HS6ST2: variants seen among roughly 807,000 people sequenced by gnomAD.
HS6ST2 encodes the protein heparan-sulfate 6-O-sulfotransferase 2.
HS6ST2 carries 17 observed loss-of-function variants against 33.0 expected under a neutral mutation model. That is an observed-to-expected ratio of 0.52 (90% confidence interval 0.35 to 0.77). The LOEUF is 0.77. HS6ST2 is among the 30% of genes least tolerant of loss of function. The pLI, the probability that HS6ST2 is intolerant of heterozygous loss-of-function variation, is 0.01. For missense variants in HS6ST2, 519 were observed against 551.7 expected (o/e 0.94, Z 0.59); for synonymous variants, 248 against 237.1 (o/e 1.05, Z -0.42).
intron 2 of HS6ST2, among the ~76,000 whole-genome samples, chrX:132,844,446 G>C (rs1438119813): frequency 3.6e-5 from 4 of 111,392 alleles, no homozygotes; most frequent in Non-Finnish European, 7.5e-5. Flanking sequence ...TCAAGATCTG[G>C]AACTAAATTT....
At chrX:132,683,738 G>A (rs750008910) in intron 3 of HS6ST2, among the ~76,000 whole-genome samples, 4 of 111,559 alleles carry the variant, frequency 3.6e-5, no homozygotes, top group African/African-American at 1.3e-4. Context: ...AATAGGGGCT[G>A]TAACTAACAG....
intron 2 of HS6ST2, among the ~76,000 whole-genome samples, chrX:132,799,771 C>T (rs931826874): frequency 1.8e-5 from 2 of 111,356 alleles, no homozygotes; most frequent in African/African-American, 6.5e-5. Flanking sequence ...CTGAGCTCCA[C>T]TTTCTTCATC....
chrX:132,943,077 C>T (rs1041964039), intron 2 of HS6ST2, among the ~76,000 whole-genome samples: 8 of 111,332 alleles, frequency 7.2e-5, no homozygotes, highest in Non-Finnish European at 1.3e-4. Flanking sequence ...ATCTTTAAGA[C>T]GGGAAAAAAG....
At chrX:132,801,414 T>C (rs765892597) in intron 2 of HS6ST2, among the ~76,000 whole-genome samples, 2 of 112,302 alleles carry the variant, frequency 1.8e-5, no homozygotes, top group South Asian at 7.4e-4. Context: ...CTTTGATTAG[T>C]TTTACTGCCT....
At chrX:132,882,181 T>C (rs954363079) in intron 2 of HS6ST2, among the ~76,000 whole-genome samples, 2 of 111,435 alleles carry the variant, frequency 1.8e-5, no homozygotes, top group Non-Finnish European at 3.8e-5. Flanking sequence ...GGTAGCTTGA[T>C]GGGGATGGCA....
chrX:132,733,292 C>A (rs1056259196), intron 2 of HS6ST2, among the ~76,000 whole-genome samples: 1 of 110,667 alleles, frequency 9.0e-6, no homozygotes, highest in Non-Finnish European at 1.9e-5. Context: ...GTTATTTGCT[C>A]ATTGACAATA....
intron 2 of HS6ST2, among the ~76,000 whole-genome samples, chrX:132,885,135 C>G (rs1394830334): frequency 9.0e-6 from 1 of 111,372 alleles, no homozygotes; most frequent in African/African-American, 3.3e-5. Flanking sequence ...AACAGATAAA[C>G]CAAATATGAT....
intron 2 of HS6ST2, among the ~76,000 whole-genome samples, chrX:132,793,637 A>G (rs1184130853): frequency 2.7e-5 from 3 of 112,072 alleles, no homozygotes; most frequent in East Asian, 5.6e-4. Flanking sequence ...ACATTTAATA[A>G]TATTTGGTAC....
intron 2 of HS6ST2, among the ~76,000 whole-genome samples, chrX:132,911,415 C>A (rs1602859236): frequency 9.0e-6 from 1 of 111,251 alleles, no homozygotes; most frequent in African/African-American, 3.3e-5. Flanking sequence ...TTCCAGACAG[C>A]AATGGGTCTG....
intron 2 of HS6ST2, among the ~76,000 whole-genome samples, chrX:132,832,332 AAC>A (rs1358610805): frequency 8.9e-6 from 1 of 112,089 alleles, no homozygotes; most frequent in Non-Finnish European, 1.9e-5. Flanking sequence ...ATTCTGAGAA[AAC>A]AGTTTATTAA....
chrX:132,684,278 C>CAT (rs1196691059), intron 3 of HS6ST2, among the ~76,000 whole-genome samples: 66 of 99,064 alleles, frequency 6.7e-4, no homozygotes, highest in Non-Finnish European at 5.8e-4. Context: ...TATGTATATA[C>CAT]ATATATATAT....
intron 4 of HS6ST2, among the ~76,000 whole-genome samples, chrX:132,642,214 T>C (rs2063606364): frequency 9.0e-6 from 1 of 111,489 alleles, no homozygotes; most frequent in Non-Finnish European, 1.9e-5. Flanking sequence ...CTGCTGGACA[T>C]GTGCTGTCTG....
upstream of HS6ST2, among the ~76,000 whole-genome samples, chrX:132,959,950 C>G (rs891050496): frequency 8.9e-6 from 1 of 112,128 alleles, no homozygotes; most frequent in African/African-American, 3.2e-5. Context: ...GAATTCCCAG[C>G]CCTGGCTAGA....
rs772540474 is a variant in HS6ST2, at chrX:132,790,509, T to A, written c.948-82015A>T. On this transcript the variant is annotated intron_variant, in intron 2 of 4. Coordinates refer to ENST00000370833, the MANE Select transcript of HS6ST2 (RefSeq NM_001394073.1). ...GTGGTCTGGAACGAAACCCGCAGTA[T>A]CTCTAAGATATGCCTGTATTCAAAA... 2.7e-5 allele frequency among the ~76,000 whole-genome samples: 3 copies of A among 111,901 alleles called. No individual in the cohort carries two copies. In the South Asian group the frequency reaches 1.1e-3, roughly 42 times the overall value.
chrX:132,891,994 T>C (rs2066319218), intron 2 of HS6ST2, among the ~76,000 whole-genome samples: 1 of 111,797 alleles, frequency 8.9e-6, no homozygotes, highest in Non-Finnish European at 1.9e-5. Flanking sequence ...TAGTTTACAG[T>C]CCCAGCAACA....
chrX:132,669,058 A>G, intron 4 of HS6ST2, 55 bp downstream of exon 4: 1 of 768,361 alleles, frequency 1.3e-6, no homozygotes, highest in Non-Finnish European at 2.0e-6. Flanking sequence ...AAAGGAGGAC[A>G]GCACTTGACT....
At chrX:132,869,005 T>TTG (rs1556479445) in intron 2 of HS6ST2, among the ~76,000 whole-genome samples, 2 of 107,801 alleles carry the variant, frequency 1.9e-5, no homozygotes, top group Non-Finnish European at 3.9e-5. Context: ...ATTTTTTTTT[T>TTG]AAAGACTAAC....
chrX:132,733,810 T>G (rs2064481218), intron 2 of HS6ST2, among the ~76,000 whole-genome samples: 1 of 110,085 alleles, frequency 9.1e-6, no homozygotes, highest in Admixed American at 9.8e-5. Context: ...TCTCATGTGA[T>G]TCTAACAACC....
chrX:132,637,874 T>A (rs1352608296), intron 4 of HS6ST2, among the ~76,000 whole-genome samples: 1 of 41,576 alleles, frequency 2.4e-5, no homozygotes, highest in Non-Finnish European at 3.4e-5. Context: ...ATATTATATA[T>A]AATATATATA....
Sources: gnomAD v4.1 joint callset for allele counts (sites outside exome capture counted in the v4.1 genomes callset) on GRCh38, gnomAD v4.1.1 for gene constraint, MANE v1.5 for transcripts, NCBI Gene and HGNC (gene_info 2026-07-23, HGNC 2026-07-21) for gene names.